ZNF99: variants seen among roughly 807,000 people sequenced by gnomAD.
ZNF99 encodes the protein zinc finger protein 99, also known as zinc finger protein ENSP00000375192.
A neutral mutation model predicts 12.8 loss-of-function variants in ZNF99; 8 were observed. The ratio of observed to expected loss-of-function variants is 0.62; its 90% CI spans 0.37 to 1.13. The LOEUF (loss-of-function observed/expected upper bound fraction) is 1.13. ZNF99 is among the 50% of genes most tolerant of loss of function. The pLI, the probability that ZNF99 is intolerant of heterozygous loss-of-function variation, is 0.02. For missense variants in ZNF99, 1,007 were observed against 1,006.2 expected (o/e 1.00, Z -0.01); for synonymous variants, 318 against 319.0 (o/e 1.00, Z 0.03).
In ZNF99 at chr19:22,759,341, G is replaced by A. The variant is rs1297524326; in HGVS notation, c.568C>T (p.Gln190Ter). ...TCTCTAGTATGAATTCTCTTATGTT[G>A]AATTAAGTGTGAAAGCATGAAAAAT... ...KSFFMLSHLI[Q>*]HKRIHTRENI... is the part of the protein sequence containing the mutation. The change falls in exon 4 of 4, where the codon CAA becomes TAA. Residue 190 changes from glutamine to a stop codon, truncating the protein, a stop_gained. Coordinates refer to ENST00000596209, the MANE Select transcript of ZNF99 (RefSeq NM_001080409.3). LOFTEE classifies it low-confidence loss of function (END_TRUNC). The A allele has an allele frequency of 6.5e-7, 1 of 1,549,010 alleles. No individual in the cohort carries two copies. The highest frequency in any genetic ancestry group is 8.7e-7 in the Non-Finnish European group (1 of 1,147,846).
chr19:22,781,426 T>TG (rs1973386449), intron 1 of ZNF99, among the ~76,000 whole-genome samples: 1 of 139,220 alleles, frequency 7.2e-6, no homozygotes, highest in African/African-American at 3.1e-5. Context: ...TTTTTTTTTT[T>TG]GTCGTTTGGG....
In ZNF99 at chr19:22,759,608, T is replaced by A. The variant is rs1973128620; in HGVS notation, c.301A>T (p.Arg101Ter). The A allele has an allele frequency of 6.2e-7, 1 of 1,601,642 alleles. No individual in the cohort carries two copies. Among genetic ancestry groups the A allele is most frequent in the South Asian group, 1.1e-5 (1 of 87,414 alleles). The change falls in exon 4 of 4, where the codon AGA (arginine) becomes TGA (stop). Residue 101 changes from arginine (R) to a stop codon, truncating the protein, a stop_gained. Transcript: ENST00000596209. LOFTEE classifies it low-confidence loss of function (END_TRUNC). ...IKDSFQEIIL[R>*]TYARCGHKNL... ...TTATGTCCACATCTTGCATATGTTCTCAATATTATTTCTTGGAAAGAATCT... is the reference window on the plus strand; with the variant it reads ...TTATGTCCACATCTTGCATATGTTCACAATATTATTTCTTGGAAAGAATCT...
At chr19:22,766,095 T>C (rs577767653) in intron 3 of ZNF99, among the ~76,000 whole-genome samples, 1 of 151,912 alleles carries the variant, frequency 6.6e-6, no homozygotes, top group African/African-American at 2.4e-5. Context: ...GTTTTTGTAT[T>C]CAATTAAGTT....
At chr19:22,777,260 G>A (rs1973340200) in intron 1 of ZNF99, among the ~76,000 whole-genome samples, 1 of 152,178 alleles carries the variant, frequency 6.6e-6, no homozygotes, top group Non-Finnish European at 1.5e-5. Context: ...AACATAGATG[G>A]AGCTGGAGAC....
chr19:22,754,287 A>T lies in ZNF99; in HGVS notation c.*3027T>A, dbSNP rs1229366959. ...GAGGTTGAGGCCAGAGAATCGCTTG[A>T]ACCCAGGAGGCGGAGGTTGCAATGA... On this transcript the variant is annotated 3_prime_UTR_variant, in exon 4 of 4. Coordinates refer to ENST00000596209, the MANE Select transcript of ZNF99 (RefSeq NM_001080409.3). 1 of 433,498 alleles carries T rather than the reference A, an allele frequency of 2.3e-6. No individual in the cohort carries two copies. Among genetic ancestry groups the T allele is most frequent in the Admixed American group, 2.5e-5 (1 of 39,722 alleles). The allele number at this position is 433,498 out of a possible 1,614,324, so 26.9% of individuals were successfully genotyped here. A position where few individuals can be genotyped will look rare whatever the true frequency, so the allele number is the denominator to read the frequency against.
rs754746975 is a variant in ZNF99 at position 22,758,965 on chromosome 19, C to G, written c.944G>C (p.Cys315Ser). 1 of 1,613,592 alleles carries G rather than the reference C, an allele frequency of 6.2e-7. No individual in the cohort carries two copies. The highest frequency in any genetic ancestry group is 2.2e-5 in the East Asian group (1 of 44,826). The change falls in exon 4 of 4, where the codon TGC becomes TCC. Residue 315 changes from cysteine (C) to serine (S), a missense_variant. By Grantham distance (112) the Cys-to-Ser change is moderately radical. Transcript: ENST00000596209. The part of the protein sequence containing the change: ...AIHTGEKPYK[C>S]EECGKAFNHF... Reference sequence around the variant, plus strand: ...GTTAAAAGCTTTGCCACATTCTTCGCATTTGTAGGGTTTCTCTCCAGTATG... The same window carrying G: ...GTTAAAAGCTTTGCCACATTCTTCGGATTTGTAGGGTTTCTCTCCAGTATG...
At position 22,754,050 on chromosome 19, in the gene ZNF99, A is replaced by G. The variant is rs1490482063; in HGVS notation, c.*3264T>C. The G allele has an allele frequency of 6.6e-6, 3 of 455,840 alleles. 1 individual carries two copies. The highest frequency in any genetic ancestry group is 1.3e-5 in the Non-Finnish European group (3 of 226,808). The allele number at this position is 455,840 out of a possible 1,614,324, so 28.2% of individuals were successfully genotyped here. Reference sequence around the variant, plus strand: ...AGCTTCTCTCCAGTATGATTTGATAACTTATTAAAAACTTTGCCACATTCG... The same window carrying G: ...AGCTTCTCTCCAGTATGATTTGATAGCTTATTAAAAACTTTGCCACATTCG... On this transcript the variant is annotated 3_prime_UTR_variant, in exon 4 of 4. Coordinates refer to ENST00000596209, the MANE Select transcript of ZNF99 (RefSeq NM_001080409.3).
At chr19:22,782,788 A>G (rs912409160) in intron 1 of ZNF99, among the ~76,000 whole-genome samples, 13 of 148,596 alleles carry the variant, frequency 8.7e-5, no homozygotes, top group African/African-American at 3.2e-4. Context: ...TATCTGCCTC[A>G]GCCTCCCGAG....
rs369353355 is a variant in ZNF99, at chr19:22,759,509, T to G, written c.400A>C (p.Asn134His). Residue 134 changes from asparagine (N) to histidine (H), a missense_variant, in exon 4 of 4, where the codon AAC becomes CAC. Coordinates refer to ENST00000596209, the MANE Select transcript of ZNF99 (RefSeq NM_001080409.3). ...KMHEEAYNKL[N>H]QCWTTTQGKI... ...CCCTGGGTAGTTGTCCAACATTGGT[T>G]AAGTTTATTATAAGCTTCTTCGTGC... 1 of 1,608,354 alleles carries G rather than the reference T, an allele frequency of 6.2e-7. No homozygotes were observed. Among genetic ancestry groups the G allele is most frequent in the Non-Finnish European group, 8.5e-7 (1 of 1,178,422 alleles).
intron 3 of ZNF99, among the ~76,000 whole-genome samples, chr19:22,761,147 T>G (rs939832123): frequency 2.6e-5 from 4 of 151,932 alleles, no homozygotes; most frequent in Non-Finnish European, 5.9e-5. Context: ...ATTAATAAAT[T>G]AATTTTTAAA....
At chr19:22,771,924 G>A (rs1432839545) in intron 1 of ZNF99, among the ~76,000 whole-genome samples, 1 of 148,952 alleles carries the variant, frequency 6.7e-6, no homozygotes, top group East Asian at 2.0e-4. Flanking sequence ...CACCATATTG[G>A]CCAGGCTGGT....
In ZNF99 at chr19:22,753,039, G is replaced by A. The variant is rs1390425942; in HGVS notation, c.*4275C>T. On this transcript the variant is annotated 3_prime_UTR_variant, in exon 4 of 4. Transcript: ENST00000596209. ...ATAAAAAAGAATCTTTCATATCTCT[G>A]ATGCAGCAACAATTGATCGCATGCT... 1.3e-5 allele frequency: 2 copies of A among 151,960 alleles called. No individual in the cohort carries two copies. The highest frequency in any genetic ancestry group is 4.8e-5 in the African/African-American group (2 of 41,394). 9.4% of individuals were successfully genotyped at this position (151,960 alleles called of 1,614,324 possible).
intron 1 of ZNF99, among the ~76,000 whole-genome samples, chr19:22,781,884 T>C (rs927634913): frequency 2.6e-5 from 4 of 151,876 alleles, no homozygotes; most frequent in African/African-American, 4.8e-5. Flanking sequence ...AAACACATCA[T>C]AAAGTTTCCA....
intron 3 of ZNF99, among the ~76,000 whole-genome samples, chr19:22,762,687 A>G (rs1039596599): frequency 3.9e-5 from 6 of 152,156 alleles, no homozygotes; most frequent in African/African-American, 1.4e-4. Flanking sequence ...TTAATCAAAA[A>G]AGAAAACCAC....
At chr19:22,764,639 G>GA (rs56689322) in intron 3 of ZNF99, among the ~76,000 whole-genome samples, 42 of 143,284 alleles carry the variant, frequency 2.9e-4, no homozygotes, top group South Asian at 2.6e-3. Flanking sequence ...AAATCAGCAA[G>GA]AAAAAAAAAA....
intron 1 of ZNF99, among the ~76,000 whole-genome samples, chr19:22,776,938 G>C (rs1973336377): frequency 6.6e-6 from 1 of 152,182 alleles, no homozygotes; most frequent in Non-Finnish European, 1.5e-5. Context: ...CTGAGCTCAG[G>C]AGTTCAAGAC....
At position 22,757,672 on chromosome 19, in the gene ZNF99, G is replaced by A; in HGVS notation, c.2237C>T (p.Ser746Leu). The A allele has an allele frequency of 6.2e-7, 1 of 1,611,812 alleles. No homozygotes were observed. Among genetic ancestry groups the A allele is most frequent in the South Asian group, 1.1e-5 (1 of 91,046 alleles). ...EECGKAFKWS[S>L]KLTVHKVIHT... ...AATTACCTTATGTACAGTAAGTTTTGAGGACCACTTAAAAGCTTTACCACA... is the reference window on the plus strand; with the variant it reads ...AATTACCTTATGTACAGTAAGTTTTAAGGACCACTTAAAAGCTTTACCACA... Residue 746 changes from serine (S) to leucine (L), a missense_variant, in exon 4 of 4, where the codon TCA becomes TTA. Coordinates refer to ENST00000596209, the MANE Select transcript of ZNF99 (RefSeq NM_001080409.3).
At chr19:22,783,238 C>T (rs1311605567) in intron 1 of ZNF99, among the ~76,000 whole-genome samples, 1 of 152,062 alleles carries the variant, frequency 6.6e-6, no homozygotes, top group East Asian at 2.0e-4. Context: ...CGAGATCGCG[C>T]CACTGCACTC....
chr19:22,757,993 T>C lies in ZNF99; in HGVS notation c.1916A>G (p.His639Arg), dbSNP rs559609821. 1.0e-4 allele frequency: 163 copies of C among 1,611,758 alleles called. No individual in the cohort carries two copies. Among genetic ancestry groups the C allele is most frequent in the Non-Finnish European group, 1.3e-4 (159 of 1,178,638 alleles). ...TTTCTCTCCAGTATGAATTATCTCA[T>C]GTTTTCTAAGGGTTGAGGACTGGCT... ...AFSQSSTLRKHEIIHTGEKPY... is the reference protein window; with the variant it reads ...AFSQSSTLRKREIIHTGEKPY... Residue 639 changes from histidine to arginine, a missense_variant, in exon 4 of 4, where the codon CAT becomes CGT. By Grantham distance (29) the His-to-Arg change is conservative. Transcript: ENST00000596209.
Sources: gnomAD v4.1 joint callset for allele counts (sites outside exome capture counted in the v4.1 genomes callset) on GRCh38, gnomAD v4.1.1 for gene constraint, MANE v1.5 for transcripts, NCBI Gene and HGNC (gene_info 2026-07-23, HGNC 2026-07-21) for gene names.